The following SMAD1 variants were observed in gnomAD, a reference collection of about 807,000 sequenced individuals.
SMAD1 encodes the protein MAD, mothers against decapentaplegic homolog 1.
In SMAD1, 6 loss-of-function variants were observed where a neutral mutation model predicts 41.6. The ratio of observed to expected loss-of-function variants is 0.14; its 90% CI spans 0.08 to 0.28. The LOEUF is 0.28. Ranked by LOEUF, SMAD1 falls within the 10% of genes least tolerant of loss-of-function variation. The pLI is 1.00. For missense variants in SMAD1, 379 were observed against 582.6 expected (o/e 0.65, Z 3.60); for synonymous variants, 206 against 203.2 (o/e 1.01, Z -0.12).
chr4:145,534,673 T>C (rs1447425803), intron 2 of SMAD1, among the ~76,000 whole-genome samples: 1 of 152,228 alleles, frequency 6.6e-6, no homozygotes, highest in Non-Finnish European at 1.5e-5. Flanking sequence ...AGATGGGCTT[T>C]TAATGAATGG....
At chr4:145,505,986 G>A (rs1484271580) in intron 1 of SMAD1, among the ~76,000 whole-genome samples, 1 of 151,790 alleles carries the variant, frequency 6.6e-6, no homozygotes, top group African/African-American at 2.4e-5. Context: ...TGGGTCTAAA[G>A]GTGTACACCA....
intron 1 of SMAD1, among the ~76,000 whole-genome samples, chr4:145,511,028 T>C (rs150720265): frequency 2.2e-4 from 34 of 152,284 alleles, no homozygotes; most frequent in African/African-American, 8.2e-4. Context: ...TGCCAGCTTT[T>C]TGGGTGGAAT....
At position 145,528,063 on chromosome 4, in the gene SMAD1, ACACACAC is replaced by A. The variant is rs1409583226; in HGVS notation, c.401-11740_401-11734del. On this transcript the variant is annotated intron_variant, in intron 2 of 6. Transcript: ENST00000302085. Reference sequence around the variant, plus strand: ...TCTCGGCTAATTTTTTTGTTTGTACACACACACACACACACACACACACACACACATA... The same window carrying A: ...TCTCGGCTAATTTTTTTGTTTGTACAACACACACACACACACACACACATA... 3.5e-4 allele frequency among the ~76,000 whole-genome samples: 34 copies of A among 97,060 alleles called. No homozygotes were observed. The African/African-American group carries it at 3.9e-3, about 11-fold the overall frequency. 63.7% of individuals were successfully genotyped at this position (97,060 alleles called of 152,430 possible).
intron 2 of SMAD1, among the ~76,000 whole-genome samples, chr4:145,523,271 TAC>T (rs1730852714): frequency 6.6e-6 from 1 of 152,158 alleles, no homozygotes; most frequent in Non-Finnish European, 1.5e-5. Flanking sequence ...GACTAACTCT[TAC>T]ACACTGGATA....
intron 1 of SMAD1, among the ~76,000 whole-genome samples, chr4:145,511,486 A>G (rs567240715): frequency 1.3e-5 from 2 of 152,036 alleles, no homozygotes; most frequent in Non-Finnish European, 2.9e-5. Flanking sequence ...TGCCCAGGCT[A>G]CTCTGGAACT....
chr4:145,542,488 G>T, intron 3 of SMAD1, 94 bp from the exon 4 acceptor site: 1 of 664,632 alleles, frequency 1.5e-6, no homozygotes, highest in South Asian at 2.6e-5. Context: ...ATGACAACTT[G>T]ATCTCTTGAG....
At chr4:145,530,829 G>T (rs1731279752) in intron 2 of SMAD1, among the ~76,000 whole-genome samples, 2 of 152,204 alleles carry the variant, frequency 1.3e-5, no homozygotes, top group Admixed American at 1.3e-4. Flanking sequence ...ATTGTCTAGT[G>T]GTTATGAGCA....
At chr4:145,530,050 A>C (rs1222146753) in intron 2 of SMAD1, among the ~76,000 whole-genome samples, 3 of 152,358 alleles carry the variant, frequency 2.0e-5, no homozygotes, top group South Asian at 4.1e-4. Flanking sequence ...ATATTGAAAA[A>C]ACATTCATTC....
chr4:145,506,135 C>T (rs1729763272), intron 1 of SMAD1, among the ~76,000 whole-genome samples: 1 of 151,876 alleles, frequency 6.6e-6, no homozygotes, highest in Admixed American at 6.6e-5. Flanking sequence ...GCCACCAAGC[C>T]TGGCCGATCA....
At chr4:145,488,490 G>T (rs962465433) in intron 1 of SMAD1, among the ~76,000 whole-genome samples, 3 of 151,642 alleles carry the variant, frequency 2.0e-5, no homozygotes, top group Non-Finnish European at 4.4e-5. Context: ...GTGTGTGTGT[G>T]TGTGTGTGTG....
At chr4:145,494,416 C>A (rs1330113434) in intron 1 of SMAD1, among the ~76,000 whole-genome samples, 2 of 152,222 alleles carry the variant, frequency 1.3e-5, no homozygotes, top group Non-Finnish European at 2.9e-5. Context: ...ACAATACAAA[C>A]CTGCTTGTCT....
chr4:145,515,170 G>GTGTC (rs1553945855), intron 2 of SMAD1, among the ~76,000 whole-genome samples, 157 bp downstream of exon 2: 113 of 150,096 alleles, frequency 7.5e-4, no homozygotes, highest in Middle Eastern at 3.4e-3. Flanking sequence ...GTGTGTGTGT[G>GTGTC]TGTGTGTCTG....
chr4:145,494,897 T>C (rs973469822), intron 1 of SMAD1, among the ~76,000 whole-genome samples: 2 of 152,148 alleles, frequency 1.3e-5, no homozygotes, highest in African/African-American at 2.4e-5. Context: ...CTTTTTTTCA[T>C]TGAGGAGAGC....
At position 145,554,009 on chromosome 4, in the gene SMAD1, A is replaced by C; in HGVS notation, c.1223A>C (p.Lys408Thr). The C allele has an allele frequency of 6.2e-7, 1 of 1,614,074 alleles. No individual in the cohort carries two copies. Among genetic ancestry groups the C allele is most frequent in the East Asian group, 2.2e-5 (1 of 44,874 alleles). ...HGFETVYELT[K>T]MCTIRMSFVK... ...TTTGAGACAGTCTATGAGCTTACAA[A>C]AATGTGTACTATACGTATGAGCTTT... The change falls in exon 6 of 7, where the codon AAA (lysine) becomes ACA (threonine). Residue 408 changes from lysine (K) to threonine (T), a missense_variant. Lys to Thr is a moderately conservative substitution (Grantham distance 78, BLOSUM62 -1). Around this residue, in one of 3 missense-constraint regions of SMAD1, gnomAD observed 107 missense variants for 218.3 expected, o/e 0.49. Transcript: ENST00000302085.
intron 2 of SMAD1, among the ~76,000 whole-genome samples, chr4:145,526,173 C>T (rs1166890212): frequency 6.6e-6 from 1 of 152,174 alleles, no homozygotes; most frequent in Non-Finnish European, 1.5e-5. Flanking sequence ...CTGGGATGTT[C>T]AGTGAGAATA....
At chr4:145,515,446 A>G (rs7699352) in intron 2 of SMAD1, among the ~76,000 whole-genome samples, 1,780 of 152,308 alleles carry the variant, frequency 0.012, 32 homozygotes, top group African/African-American at 0.039. Context: ...CTATATGCTT[A>G]AGGGAAGTAC....
At chr4:145,556,905 C>T (rs116232975) in intron 6 of SMAD1, among the ~76,000 whole-genome samples, 7,550 of 152,052 alleles carry the variant, frequency 0.05, 247 homozygotes, top group South Asian at 0.076. Context: ...TTCGAACTCC[C>T]GACCTCAGGT....
intron 2 of SMAD1, among the ~76,000 whole-genome samples, chr4:145,529,805 A>G (rs1260662088): frequency 6.6e-6 from 1 of 152,196 alleles, no homozygotes; most frequent in Non-Finnish European, 1.5e-5. Context: ...CCAGACACCT[A>G]GCTCTCTTGC....
rs2126934872 is a variant in SMAD1 at position 145,489,156 on chromosome 4, T to G, written c.-177+7118T>G. Among the ~76,000 whole-genome samples the G allele has an allele frequency of 2.6e-5, 4 of 152,322 alleles. No homozygotes were observed. In the South Asian group the frequency reaches 8.3e-4, roughly 32 times the overall value. On this transcript the variant is annotated intron_variant, in intron 1 of 6. Transcript: ENST00000302085. Reference sequence around the variant, plus strand: ...ATTAATTTATGTTTCAGTAGCCACATGTGGTTATCATATCAAATAGCACAG... The same window carrying G: ...ATTAATTTATGTTTCAGTAGCCACAGGTGGTTATCATATCAAATAGCACAG...
Sources: allele counts gnomAD v4.1 joint callset (sites outside exome capture counted in the v4.1 genomes callset), GRCh38; gene constraint gnomAD v4.1.1; regional missense constraint gnomAD v4.1.1; transcripts MANE v1.5; gene names NCBI Gene and HGNC (gene_info 2026-07-23, HGNC 2026-07-21).